The following DNAH8 variants were observed in gnomAD, a reference collection of about 807,000 sequenced individuals.
DNAH8 encodes the protein dynein axonemal heavy chain 8, also known as axonemal beta dynein heavy chain 8.
Under a neutral mutation model 562.1 loss-of-function variants are expected in DNAH8, and 382 were observed. That is an observed-to-expected ratio of 0.68 (90% confidence interval 0.63 to 0.74). The LOEUF (loss-of-function observed/expected upper bound fraction) is 0.74, where lower values mean the gene tolerates loss of function less well. Among genes scored for constraint, DNAH8 ranks in the 30% least tolerant of loss-of-function variants. The probability of loss-of-function intolerance (pLI) is 0.00; values close to 1 mark genes in which losing one functional copy is unlikely to be tolerated. For synonymous variants in DNAH8, 1,881 were observed against 1,919.4 expected, an observed-to-expected ratio of 0.98 and a Z score of 0.52; for missense variants, 5,203 against 5,620.4, an observed-to-expected ratio of 0.93 and a Z score of 2.37.
At chr6:38,906,198 C>T (rs539475482) in intron 62 of DNAH8, 56 bp from the exon 63 acceptor site, 68 of 1,221,762 alleles carry the variant, frequency 5.6e-5, no homozygotes, top group Admixed American at 4.1e-4. Flanking sequence ...TGAGCCACCG[C>T]GCCCAGCCGA....
chr6:38,720,201 G>A (rs932460510), intron 1 of DNAH8, among the ~76,000 whole-genome samples: 3 of 152,146 alleles, frequency 2.0e-5, no homozygotes, highest in Admixed American at 1.3e-4. Context: ...CAGGAGACCT[G>A]TTCTTGCCTC....
At chr6:38,755,582 T>A (rs1241721917) in intron 9 of DNAH8, among the ~76,000 whole-genome samples, 1 of 152,142 alleles carries the variant, frequency 6.6e-6, no homozygotes, top group Non-Finnish European at 1.5e-5. Context: ...CTTAAGAAAG[T>A]CACTTTACCC....
intron 76 of DNAH8, among the ~76,000 whole-genome samples, chr6:38,933,783 C>T (rs115104799): frequency 2.5e-4 from 38 of 152,310 alleles, no homozygotes; most frequent in African/African-American, 9.1e-4. Context: ...TGTTTTAACA[C>T]ACAGCTAGTT....
At chr6:39,007,199 A>G (rs1765852135) in intron 88 of DNAH8, among the ~76,000 whole-genome samples, 1 of 152,244 alleles carries the variant, frequency 6.6e-6, no homozygotes, top group Admixed American at 6.5e-5. Flanking sequence ...CCATACCGTC[A>G]GAAATGTAAA....
chr6:38,902,314 C>T (rs1011880897), intron 62 of DNAH8, among the ~76,000 whole-genome samples: 6 of 152,058 alleles, frequency 3.9e-5, no homozygotes, highest in Non-Finnish European at 7.4e-5. Flanking sequence ...AGTCCTTACT[C>T]CCAACCACCA....
chr6:38,734,711 T>C (rs1763949007), intron 5 of DNAH8, 86 bp downstream of exon 5: 8 of 1,432,504 alleles, frequency 5.6e-6, no homozygotes, highest in Non-Finnish European at 6.6e-6. Context: ...GCTTTCCCTT[T>C]TTAAATATAG....
rs143949858 is a variant in DNAH8 at position 38,863,552 on chromosome 6, G to T, written c.6311-321G>T. 3.9e-3 allele frequency among the ~76,000 whole-genome samples: 595 copies of T among 152,120 alleles called. 5 individuals carry two copies. Among genetic ancestry groups the T allele is most frequent in the African/African-American group, 0.014 (582 of 41,510 alleles). ...AAAACAACCATCCCCAAACAACTTC[G>T]ACCTATCCTTTACTCCGCTCTTTCT... On this transcript the variant is annotated intron_variant, in intron 44 of 92. Transcript: ENST00000327475.
At chr6:38,936,195 T>C (rs528760949) in intron 77 of DNAH8, 1 of 152,288 alleles carries the variant, frequency 6.6e-6, no homozygotes, top group African/African-American at 2.4e-5. Context: ...TTTTTTCAAA[T>C]TGACTCTTTC....
intron 88 of DNAH8, among the ~76,000 whole-genome samples, chr6:39,004,938 G>A (rs1323359353): frequency 6.6e-6 from 1 of 152,116 alleles, no homozygotes; most frequent in Non-Finnish European, 1.5e-5. Context: ...ATGAATAGTT[G>A]GGCATGTTCT....
At chr6:38,874,106 T>TTC (rs1777753643) in intron 52 of DNAH8, among the ~76,000 whole-genome samples, 1 of 61,610 alleles carries the variant, frequency 1.6e-5, no homozygotes, top group Non-Finnish European at 3.4e-5. Context: ...CTCTTTCTCC[T>TTC]TCCTTCCTTC....
chr6:38,914,025 C>T (rs1439081154), intron 67 of DNAH8, 73 bp downstream of exon 67: 4 of 1,140,076 alleles, frequency 3.5e-6, no homozygotes, highest in Admixed American at 3.7e-5. Flanking sequence ...TAAAATGGTA[C>T]TAAAGAACAA....
Position 38,857,583 on chromosome 6 carries a change from AGATGACAG to A in DNAH8, c.5802_5809del (p.Asp1934GlufsTer19). 1.2e-6 allele frequency: 2 copies of A among 1,613,982 alleles called. No homozygotes were observed. On this transcript the variant is annotated frameshift_variant, in exon 42 of 93. Transcript: ENST00000327475. LOFTEE classifies it high-confidence loss of function. Reference sequence around the variant, plus strand: ...CAGAAGAGGCTTTACGTAATGCAAAAGATGACAGGAAAATCATGCAAGTGACCAATCAG... The same window carrying A: ...CAGAAGAGGCTTTACGTAATGCAAAAGAAAATCATGCAAGTGACCAATCAG...
chr6:38,910,588 C>T (rs3857575), intron 65 of DNAH8, among the ~76,000 whole-genome samples: 20,374 of 152,048 alleles, frequency 0.13, 1,511 homozygotes, highest in South Asian at 0.27. Flanking sequence ...TCTATTTGAA[C>T]GCCTGCTAAT....
intron 66 of DNAH8, among the ~76,000 whole-genome samples, chr6:38,911,925 T>G (rs966481137): frequency 2.6e-5 from 4 of 152,246 alleles, no homozygotes; most frequent in African/African-American, 9.6e-5. Flanking sequence ...TTCATTTTGA[T>G]TTGCCTTGAT....
At chr6:38,783,191 A>G in intron 17 of DNAH8, 52 bp downstream of exon 17, 1 of 1,574,982 alleles carries the variant, frequency 6.3e-7, no homozygotes, top group Non-Finnish European at 8.7e-7. Flanking sequence ...GTGATTTTGA[A>G]TGAGTTCATA....
intron 12 of DNAH8, among the ~76,000 whole-genome samples, chr6:38,771,122 A>G (rs1767528451): frequency 6.6e-6 from 1 of 152,118 alleles, no homozygotes; most frequent in African/African-American, 2.4e-5. Flanking sequence ...GTCTGTAAAG[A>G]TCTCATTTAG....
At chr6:38,863,627 A>G (rs1776811443) in intron 44 of DNAH8, among the ~76,000 whole-genome samples, 1 of 152,156 alleles carries the variant, frequency 6.6e-6, no homozygotes, top group Admixed American at 6.5e-5. Flanking sequence ...TCTACTTTCA[A>G]AATACCCCCA....
chr6:38,919,556 A>G (rs1781544674), intron 70 of DNAH8, among the ~76,000 whole-genome samples: 1 of 152,208 alleles, frequency 6.6e-6, no homozygotes, highest in Admixed American at 6.5e-5. Context: ...GAATAACTAC[A>G]TTGAACTTTC....
At chr6:38,830,354 G>T (rs1331745447) in intron 30 of DNAH8, among the ~76,000 whole-genome samples, 2 of 151,806 alleles carry the variant, frequency 1.3e-5, no homozygotes, top group Non-Finnish European at 2.9e-5. Context: ...ACTCCAAGGG[G>T]CCAGGCATGG....
Sources: allele counts gnomAD v4.1 joint callset (sites outside exome capture counted in the v4.1 genomes callset), GRCh38; gene constraint gnomAD v4.1.1; transcripts MANE v1.5; gene names NCBI Gene and HGNC (gene_info 2026-07-23, HGNC 2026-07-21).